COL23A1: variants seen among roughly 807,000 people sequenced by gnomAD.
COL23A1 encodes the protein collagen type XXIII alpha 1 chain, also known as collagen alpha-1(XXIII) chain.
Under a neutral mutation model 99.3 loss-of-function variants are expected in COL23A1, and 97 were observed. The ratio of observed to expected loss-of-function variants is 0.98; its 90% CI spans 0.83 to 1.16. The LOEUF (loss-of-function observed/expected upper bound fraction) is 1.16, where lower values mean the gene tolerates loss of function less well. Among genes scored for constraint, COL23A1 ranks in the 50% most tolerant of loss-of-function variants. The pLI is 0.00. For synonymous variants in COL23A1, 320 were observed against 308.2 expected (o/e 1.04, Z -0.40); for missense variants, 762 against 757.4 (o/e 1.01, Z -0.07).
At chr5:178,319,506 G>C (rs1238112274) in intron 2 of COL23A1, among the ~76,000 whole-genome samples, 1 of 152,194 alleles carries the variant, frequency 6.6e-6, no homozygotes. Flanking sequence ...AGAGGTTCTA[G>C]GTGGGCAGGT....
At chr5:178,571,409 C>T (rs1763088462) in intron 1 of COL23A1, among the ~76,000 whole-genome samples, 2 of 151,934 alleles carry the variant, frequency 1.3e-5, no homozygotes, top group African/African-American at 4.8e-5. Context: ...CTTAGGGGAG[C>T]ACCAGGAAGG....
Position 178,500,359 on chromosome 5 carries a change from G to A in COL23A1, c.361+60323C>T, listed in dbSNP as rs182144140. Among the ~76,000 whole-genome samples, 130 of 150,132 alleles carry A rather than the reference G, an allele frequency of 8.7e-4. 1 individual carries two copies. Among genetic ancestry groups the A allele is most frequent in the South Asian group, 3.0e-3 (14 of 4,710 alleles). ...TCTCAACACTTTGGGAAGCCGAGGC[G>A]GGAGGGTCACTTAAGGCCAGGAGTT... On this transcript the variant is annotated intron_variant, in intron 2 of 28. Transcript: ENST00000390654.
chr5:178,582,553 G>A (rs1001954389), intron 1 of COL23A1, among the ~76,000 whole-genome samples: 14 of 152,172 alleles, frequency 9.2e-5, no homozygotes, highest in Non-Finnish European at 1.8e-4. Flanking sequence ...AGAGGACAGC[G>A]GGGCACAGGG....
chr5:178,504,416 C>T (rs984512374), intron 2 of COL23A1, among the ~76,000 whole-genome samples: 2 of 152,150 alleles, frequency 1.3e-5, no homozygotes, highest in African/African-American at 4.8e-5. Context: ...GGGGCGGACC[C>T]TGGGAGCAGC....
chr5:178,482,172 C>T (rs1581474589), intron 2 of COL23A1, among the ~76,000 whole-genome samples: 1 of 152,108 alleles, frequency 6.6e-6, no homozygotes, highest in African/African-American at 2.4e-5. Flanking sequence ...CACAGCAGCA[C>T]TATTTACAAC....
intron 4 of COL23A1, among the ~76,000 whole-genome samples, chr5:178,289,949 C>G (rs1001791354): frequency 5.9e-5 from 9 of 152,128 alleles, no homozygotes; most frequent in Non-Finnish European, 1.0e-4. Context: ...GTGTTTGAGA[C>G]GGGGTCTCAT....
At chr5:178,563,885 C>T (rs262037) in intron 1 of COL23A1, among the ~76,000 whole-genome samples, 29,631 of 152,080 alleles carry the variant, frequency 0.19, 5,125 homozygotes, top group African/African-American at 0.45. Context: ...GATTTCAAAA[C>T]GTACTTGGAG....
chr5:178,367,377 G>T (rs979132358), intron 2 of COL23A1, among the ~76,000 whole-genome samples: 1 of 145,696 alleles, frequency 6.9e-6, no homozygotes, highest in African/African-American at 2.7e-5. Flanking sequence ...AGCAGCCAGA[G>T]TATCAGCAAG....
intron 4 of COL23A1, among the ~76,000 whole-genome samples, chr5:178,288,748 A>C (rs1156561019): frequency 6.6e-6 from 1 of 151,918 alleles, no homozygotes; most frequent in Non-Finnish European, 1.5e-5. Flanking sequence ...CTCAGTTGCC[A>C]CTGGGATGGG....
chr5:178,414,403 C>CT (rs34214158), intron 2 of COL23A1, among the ~76,000 whole-genome samples: 5 of 80,872 alleles, frequency 6.2e-5, no homozygotes, highest in East Asian at 7.3e-4. Context: ...TACAAATATC[C>CT]TTTTTTTAAA....
chr5:178,388,427 G>A (rs1763787950), intron 2 of COL23A1, among the ~76,000 whole-genome samples: 1 of 152,222 alleles, frequency 6.6e-6, no homozygotes, highest in African/African-American at 2.4e-5. Context: ...CTCAGGAGGT[G>A]GCTTACACTT....
At chr5:178,551,895 C>T (rs1762020642) in intron 2 of COL23A1, among the ~76,000 whole-genome samples, 2 of 152,088 alleles carry the variant, frequency 1.3e-5, no homozygotes, top group Non-Finnish European at 2.9e-5. Flanking sequence ...TCAATCTCTC[C>T]AGACCCTGGA....
intron 12 of COL23A1, among the ~76,000 whole-genome samples, chr5:178,258,499 C>T (rs901525533): frequency 1.3e-5 from 2 of 149,752 alleles, no homozygotes; most frequent in African/African-American, 4.9e-5. Flanking sequence ...GGGTTCACGC[C>T]ATTCTCCTGT....
rs1042874958 is a variant in COL23A1, at chr5:178,544,197, C to T, written c.361+16485G>A. Among the ~76,000 whole-genome samples, 2 of 152,102 alleles carry T rather than the reference C, an allele frequency of 1.3e-5. No homozygotes were observed. The highest frequency in any genetic ancestry group is 1.9e-4 in the East Asian group (1 of 5,184). Reference sequence around the variant, plus strand: ...CCTGAGTTTATCACCCCACACAGTCCCCTCCCATGCAACCCTTCCTTCCCC... The same window carrying T: ...CCTGAGTTTATCACCCCACACAGTCTCCTCCCATGCAACCCTTCCTTCCCC... On this transcript the variant is annotated intron_variant, in intron 2 of 28. Transcript: ENST00000390654. The surrounding 1 kb of genome is among the most constrained non-coding windows in gnomAD (Gnocchi z 4.4).
intron 5 of COL23A1, among the ~76,000 whole-genome samples, chr5:178,287,057 G>A (rs1222077810): frequency 2.0e-5 from 3 of 152,234 alleles, no homozygotes; most frequent in Non-Finnish European, 4.4e-5. Flanking sequence ...GAACTTTCCA[G>A]CGAAAGCCTG....
chr5:178,278,881 G>C (rs1228536653), intron 5 of COL23A1, among the ~76,000 whole-genome samples: 2 of 152,194 alleles, frequency 1.3e-5, no homozygotes, highest in Non-Finnish European at 2.9e-5. Context: ...GGGTTAATGA[G>C]AGCAGCTGTG....
At chr5:178,527,168 G>A (rs1760354579) in intron 2 of COL23A1, among the ~76,000 whole-genome samples, 1 of 152,108 alleles carries the variant, frequency 6.6e-6, no homozygotes, top group South Asian at 2.1e-4. Flanking sequence ...CAGGGAGGCA[G>A]CAAGGCGGGG....
chr5:178,515,290 C>T (rs1759441091), intron 2 of COL23A1, among the ~76,000 whole-genome samples: 1 of 152,240 alleles, frequency 6.6e-6, no homozygotes, highest in Non-Finnish European at 1.5e-5. Context: ...AGCCTCCATG[C>T]CCAGGCAGTT....
intron 2 of COL23A1, among the ~76,000 whole-genome samples, chr5:178,478,113 GCCAGACAGTGCCTGCGGGCC>G (rs1351351632): frequency 6.6e-5 from 10 of 152,200 alleles, no homozygotes; most frequent in African/African-American, 2.4e-4. Context: ...AATCAGTTGA[GCCAGACAGTGCCTGCGGGCC>G]CCCGACAGGC....
Sources: gnomAD v4.1 joint callset for allele counts (sites outside exome capture counted in the v4.1 genomes callset) on GRCh38, gnomAD v4.1.1 for gene constraint, Gnocchi (gnomAD v3.1) non-coding constraint, MANE v1.5 for transcripts, NCBI Gene and HGNC (gene_info 2026-07-23, HGNC 2026-07-21) for gene names.